The following LRRK1 variants were observed in gnomAD, a reference collection of about 807,000 sequenced individuals.
LRRK1 encodes the protein leucine rich repeat kinase 1.
A neutral mutation model predicts 209.1 loss-of-function variants in LRRK1; 113 were observed. The ratio of observed to expected loss-of-function variants is 0.54; its 90% CI spans 0.46 to 0.63. LRRK1 has a LOEUF of 0.63. LRRK1 is among the 30% of genes least tolerant of loss of function. LRRK1 has a pLI of 0.00. For missense variants in LRRK1, 2,284 were observed against 2,632.2 expected, an observed-to-expected ratio of 0.87 and a Z score of 2.89; for synonymous variants, 1,144 against 1,099.7, an observed-to-expected ratio of 1.04 and a Z score of -0.80.
chr15:101,073,474 G>T lies in LRRK1; in HGVS notation c.*4626G>T, dbSNP rs1487053156. ...TCTACCCCTTCTCCGCCTTTCTGGG[G>T]GGCAAGAAACCCCCAACCCCTTCTC... On this transcript the variant is annotated 3_prime_UTR_variant, in exon 34 of 34. Transcript: ENST00000388948. 1 of 151,580 alleles carries T rather than the reference G, an allele frequency of 6.6e-6. No homozygotes were observed. The highest frequency in any genetic ancestry group is 1.5e-5 in the Non-Finnish European group (1 of 67,882). 9.4% of individuals were successfully genotyped at this position (151,580 alleles called of 1,614,324 possible).
chr15:101,016,785 G>A (rs370172051), intron 12 of LRRK1, among the ~76,000 whole-genome samples: 1 of 152,134 alleles, frequency 6.6e-6, no homozygotes, highest in African/African-American at 2.4e-5. Context: ...GCCACACGAT[G>A]GTATCTTGCA....
At chr15:101,037,800 A>G (rs1328728195) in intron 20 of LRRK1, among the ~76,000 whole-genome samples, 3 of 152,182 alleles carry the variant, frequency 2.0e-5, no homozygotes, top group African/African-American at 7.2e-5. Flanking sequence ...GGGCTGTAAA[A>G]TGGCTCCTTG....
chr15:101,009,195 G>A, intron 7 of LRRK1, 132 bp downstream of exon 7: 1 of 721,796 alleles, frequency 1.4e-6, no homozygotes, highest in Non-Finnish European at 2.3e-6. Context: ...AAGGAGTTTT[G>A]CCTACCCTGA....
In LRRK1 at chr15:101,027,899, C is replaced by G; in HGVS notation, c.2686+102C>G. The G allele has an allele frequency of 9.1e-7, 1 of 1,093,710 alleles. No homozygotes were observed. The highest frequency in any genetic ancestry group is 1.3e-6 in the Non-Finnish European group (1 of 774,180). 67.8% of individuals were successfully genotyped at this position (1,093,710 alleles called of 1,614,324 possible). A position where few individuals can be genotyped will look rare whatever the true frequency, so the allele number is the denominator to read the frequency against. On this transcript the variant is annotated intron_variant, in intron 19 of 33. Coordinates refer to ENST00000388948, the MANE Select transcript of LRRK1 (RefSeq NM_024652.6). This position sits in a 1 kb window ranked among gnomAD's most constrained non-coding sequence, Gnocchi z 5.1. Reference sequence around the variant, plus strand: ...TCAGTAATGAATGAGAGACCGACACCCAGCCTGCGTTTCTGCCTTCCATCC... The same window carrying G: ...TCAGTAATGAATGAGAGACCGACACGCAGCCTGCGTTTCTGCCTTCCATCC...
At chr15:101,042,047 A>C (rs2034786189) in intron 20 of LRRK1, among the ~76,000 whole-genome samples, 1 of 152,214 alleles carries the variant, frequency 6.6e-6, no homozygotes, top group Admixed American at 6.5e-5. Context: ...ATATAGTGTT[A>C]TTACTTTTGC....
At position 101,040,278 on chromosome 15, in the gene LRRK1, AT is replaced by A. The variant is rs529147657; in HGVS notation, c.2964-5694del. On this transcript the variant is annotated intron_variant, in intron 20 of 33. Transcript: ENST00000388948. ...ATTCTTGTGTCAGTTTTGGTAAGTTATTTTTTTTTCAATAAATTTTTTCATT... is the reference window on the plus strand; with the variant it reads ...ATTCTTGTGTCAGTTTTGGTAAGTTATTTTTTTTCAATAAATTTTTTCATT... Among the ~76,000 whole-genome samples, 684 of 150,644 alleles carry A rather than the reference AT, an allele frequency of 4.5e-3. 7 individuals carry two copies. Among genetic ancestry groups the A allele is most frequent in the African/African-American group, 0.015 (607 of 41,054 alleles).
At chr15:100,932,606 G>A (rs1277136442) in intron 2 of LRRK1, among the ~76,000 whole-genome samples, 1 of 152,222 alleles carries the variant, frequency 6.6e-6, no homozygotes, top group Non-Finnish European at 1.5e-5. Flanking sequence ...CCTGGTTAAT[G>A]AAGGCTGTCA....
chr15:100,924,449 T>A, intron 1 of LRRK1, 62 bp from the exon 2 acceptor site: 1 of 589,476 alleles, frequency 1.7e-6, no homozygotes, highest in Non-Finnish European at 3.1e-6. Flanking sequence ...CATGCAAATA[T>A]TTGCAGGGGA....
At chr15:100,984,656 G>T (rs932454357) in intron 4 of LRRK1, among the ~76,000 whole-genome samples, 3 of 152,080 alleles carry the variant, frequency 2.0e-5, no homozygotes, top group African/African-American at 7.2e-5. Context: ...TTTGTGACTT[G>T]ATAGCTCATT....
Position 101,068,936 on chromosome 15 carries a change from G to A in LRRK1, c.*88G>A, listed in dbSNP as rs144382607. 5,314 of 1,294,250 alleles carry A rather than the reference G, an allele frequency of 4.1e-3. 19 individuals are homozygous for A. Among genetic ancestry groups the A allele is most frequent in the Middle Eastern group, 6.0e-3 (21 of 3,490 alleles). The allele number at this position is 1,294,250 out of a possible 1,614,324, so 80.2% of individuals were successfully genotyped here. On this transcript the variant is annotated 3_prime_UTR_variant, in exon 34 of 34. Coordinates refer to ENST00000388948, the MANE Select transcript of LRRK1 (RefSeq NM_024652.6). ...TGCCATCGGCCTCTAGTTCTCCAAG[G>A]ACCTAGAAGACAGATGGAGTTCTCC...
rs185037281 is a variant in LRRK1 at position 101,056,196 on chromosome 15, A to T, written c.4333-660A>T. ...GTCTGTATAAATTTTTCCTTGCTGGACCTTTTTGATTATGAAAATTAGAGG... is the reference window on the plus strand; with the variant it reads ...GTCTGTATAAATTTTTCCTTGCTGGTCCTTTTTGATTATGAAAATTAGAGG... On this transcript the variant is annotated intron_variant, in intron 27 of 33. Transcript: ENST00000388948. Among the ~76,000 whole-genome samples the T allele has an allele frequency of 3.3e-5, 5 of 152,274 alleles. No individual in the cohort carries two copies. The East Asian group carries it at 5.8e-4, about 18-fold the overall frequency.
intron 2 of LRRK1, among the ~76,000 whole-genome samples, chr15:100,945,372 C>T (rs1004521624): frequency 6.6e-6 from 1 of 151,844 alleles, no homozygotes; most frequent in African/African-American, 2.4e-5. Flanking sequence ...AATGGTACCT[C>T]AGCCTAGTTA....
intron 2 of LRRK1, among the ~76,000 whole-genome samples, chr15:100,926,438 T>C (rs2042111439): frequency 6.6e-6 from 1 of 151,898 alleles, no homozygotes; most frequent in African/African-American, 2.4e-5. Flanking sequence ...GACTGTGTCA[T>C]CTGAAAAAGC....
At chr15:101,032,089 G>T (rs1198300610) in intron 20 of LRRK1, among the ~76,000 whole-genome samples, 2 of 152,220 alleles carry the variant, frequency 1.3e-5, no homozygotes, top group Non-Finnish European at 2.9e-5. Flanking sequence ...TCCAGTGGAT[G>T]TGAGCTTGTA....
At position 100,988,928 on chromosome 15, in the gene LRRK1, A is replaced by T. The variant is rs114259701; in HGVS notation, c.613+115A>T. The T allele has an allele frequency of 2.2e-3, 1,790 of 807,130 alleles. 23 individuals are homozygous for T. The African/African-American group carries it at 0.028, about 13-fold the overall frequency. The allele number at this position is 807,130 out of a possible 1,614,324, so 50.0% of individuals were successfully genotyped here. On this transcript the variant is annotated intron_variant, in intron 5 of 33. Coordinates refer to ENST00000388948, the MANE Select transcript of LRRK1 (RefSeq NM_024652.6). ...GCTCTCAAATCACCTCTGTGAGGAG[A>T]CTTTTGCAACTCCTGTTCTATGTTT... is the stretch of plus-strand genomic sequence containing the variant.
chr15:101,006,716 A>G (rs916999092), intron 6 of LRRK1, among the ~76,000 whole-genome samples: 3 of 152,232 alleles, frequency 2.0e-5, no homozygotes, highest in African/African-American at 7.2e-5. Flanking sequence ...CAAATGATTC[A>G]TCAAAACATA....
chr15:101,027,147 A>T lies in LRRK1; in HGVS notation c.2406-114A>T. ...CAATAAACTTCTTGTGTTGTCTTTC[A>T]CGAGTTCTCCAGACTTGCCAGCGTT... On this transcript the variant is annotated intron_variant, in intron 17 of 33. Transcript: ENST00000388948. This position sits in a 1 kb window ranked among gnomAD's most constrained non-coding sequence, Gnocchi z 5.1. 2 of 1,346,112 alleles carry T rather than the reference A, an allele frequency of 1.5e-6. No homozygotes were observed. The highest frequency in any genetic ancestry group is 2.8e-5 in the South Asian group (2 of 71,724). 83.4% of individuals were successfully genotyped at this position (1,346,112 alleles called of 1,614,324 possible). A position where few individuals can be genotyped will look rare whatever the true frequency, so the allele number is the denominator to read the frequency against.
chr15:100,947,458 A>G (rs975244602), intron 2 of LRRK1, among the ~76,000 whole-genome samples: 16 of 152,212 alleles, frequency 1.1e-4, no homozygotes, highest in African/African-American at 3.4e-4. Flanking sequence ...TAATGTAGTA[A>G]GACTATCGTT....
intron 2 of LRRK1, among the ~76,000 whole-genome samples, chr15:100,945,482 CTTTTTTTTTTTTTTTT>C (rs34038990): frequency 1.9e-4 from 12 of 63,606 alleles, no homozygotes; most frequent in African/African-American, 7.8e-4. Flanking sequence ...TGCAGAGCCT[CTTTTTTTTTTTTTTTT>C]TTTTTTTTTT....
Sources: allele counts gnomAD v4.1 joint callset (sites outside exome capture counted in the v4.1 genomes callset), GRCh38; gene constraint gnomAD v4.1.1; non-coding constraint Gnocchi (gnomAD v3.1); transcripts MANE v1.5; gene names NCBI Gene and HGNC (gene_info 2026-07-23, HGNC 2026-07-21).